The following OPRM1 variants were observed in gnomAD, a reference collection of about 807,000 sequenced individuals.
OPRM1 encodes the protein opioid receptor mu 1, also known as mu-type opioid receptor.
In OPRM1, 27 loss-of-function variants were observed where a neutral mutation model predicts 31.8. The observed-to-expected ratio is 0.85, with a 90% CI of 0.63 to 1.17. OPRM1 has a LOEUF of 1.17. Ranked by LOEUF, OPRM1 falls within the 50% of genes most tolerant of loss-of-function variation. OPRM1 has a pLI of 0.00. For missense variants in OPRM1, 536 were observed against 511.1 expected (o/e 1.05, Z -0.47); for synonymous variants, 196 against 189.9 (o/e 1.03, Z -0.26).
chr6:154,243,916 G>T (rs1279052768), intron 3 of OPRM1, among the ~76,000 whole-genome samples: 1 of 152,130 alleles, frequency 6.6e-6, no homozygotes, highest in Non-Finnish European at 1.5e-5. Context: ...ATATATGCAA[G>T]GTACCTTGAA....
intron 3 of OPRM1, among the ~76,000 whole-genome samples, chr6:154,177,473 G>T (rs1402503932): frequency 6.6e-6 from 1 of 152,126 alleles, no homozygotes; most frequent in Non-Finnish European, 1.5e-5. Flanking sequence ...CAGAAAGTGG[G>T]CAAAGGACAT....
At chr6:154,138,890 C>T (rs1294454049) in intron 3 of OPRM1, among the ~76,000 whole-genome samples, 1 of 152,216 alleles carries the variant, frequency 6.6e-6, no homozygotes, top group Non-Finnish European at 1.5e-5. Flanking sequence ...TTTGCAGACT[C>T]TACACTTGAT....
intron 1 of OPRM1, among the ~76,000 whole-genome samples, chr6:154,067,980 T>C (rs1210047293): frequency 6.6e-6 from 1 of 152,164 alleles, no homozygotes; most frequent in Non-Finnish European, 1.5e-5. Context: ...GTATTTACCT[T>C]TACTGAGACC....
chr6:154,105,070 C>G (rs1210593520), intron 3 of OPRM1, among the ~76,000 whole-genome samples: 2 of 152,218 alleles, frequency 1.3e-5, no homozygotes, highest in Non-Finnish European at 2.9e-5. Context: ...ACACACCATT[C>G]CAGTCAAAGC....
At chr6:154,045,121 G>T (rs964320794) in intron 1 of OPRM1, among the ~76,000 whole-genome samples, 1 of 152,016 alleles carries the variant, frequency 6.6e-6, no homozygotes, top group Non-Finnish European at 1.5e-5. Context: ...AACTACTGGG[G>T]AGGCTGAGGC....
intron 3 of OPRM1, among the ~76,000 whole-genome samples, chr6:154,144,464 G>T (rs776823834): frequency 6.6e-6 from 1 of 151,998 alleles, no homozygotes. Context: ...TATACAACAC[G>T]GGCCGGGCAT....
intron 3 of OPRM1, among the ~76,000 whole-genome samples, chr6:154,096,881 C>T (rs774984060): frequency 1.1e-4 from 16 of 152,176 alleles, no homozygotes; most frequent in Non-Finnish European, 2.2e-4. Flanking sequence ...TTAAGAACTG[C>T]TCTAATAAAT....
At chr6:154,175,513 A>G (rs1209063034) in intron 3 of OPRM1, among the ~76,000 whole-genome samples, 1 of 152,146 alleles carries the variant, frequency 6.6e-6, no homozygotes, top group Non-Finnish European at 1.5e-5. Context: ...CCACAGAAAT[A>G]CAAACTACCA....
In OPRM1 at chr6:154,121,728, G is replaced by C. The variant is rs542661264; in HGVS notation, c.*3007G>C. Among the ~76,000 whole-genome samples the C allele has an allele frequency of 6.6e-6, 1 of 152,204 alleles. No homozygotes were observed. Among genetic ancestry groups the C allele is most frequent in the South Asian group, 2.1e-4 (1 of 4,828 alleles). The stretch of plus-strand genomic sequence containing the variant: ...GGATCCAGGCAAAAGTTGAAATTCA[G>C]AAACATAGATATGAAATGTAAGATA... On this transcript the variant is annotated 3_prime_UTR_variant, in exon 4 of 4. Coordinates refer to ENST00000330432, the MANE Select transcript of OPRM1 (RefSeq NM_000914.5).
At chr6:154,183,555 C>T (rs1475202642) in intron 3 of OPRM1, among the ~76,000 whole-genome samples, 1 of 152,044 alleles carries the variant, frequency 6.6e-6, no homozygotes, top group East Asian at 1.9e-4. Flanking sequence ...CTATAGAATA[C>T]CAAAGGATGC....
At chr6:154,179,320 A>G (rs1800634291) in intron 3 of OPRM1, among the ~76,000 whole-genome samples, 1 of 152,232 alleles carries the variant, frequency 6.6e-6, no homozygotes, top group South Asian at 2.1e-4. Context: ...TCAGTAAAGC[A>G]GTATTTTAAA....
chr6:154,214,747 A>C (rs1334742985), intron 3 of OPRM1, among the ~76,000 whole-genome samples: 7 of 152,248 alleles, frequency 4.6e-5, no homozygotes, highest in African/African-American at 1.7e-4. Context: ...ATCAGTAAAA[A>C]AAATCTGGCT....
intron 3 of OPRM1, among the ~76,000 whole-genome samples, chr6:154,104,940 C>T (rs1246066445): frequency 6.6e-6 from 1 of 152,284 alleles, no homozygotes; most frequent in South Asian, 2.1e-4. Flanking sequence ...CAGAAAATGA[C>T]GTTCTTTACT....
chr6:154,224,494 G>A (rs998753294), intron 3 of OPRM1, among the ~76,000 whole-genome samples: 16 of 152,134 alleles, frequency 1.1e-4, no homozygotes, highest in South Asian at 2.1e-4. Context: ...GATCACTTGC[G>A]GTGAGGTGTT....
chr6:154,134,440 T>C (rs565243753), downstream of OPRM1, among the ~76,000 whole-genome samples: 39 of 152,316 alleles, frequency 2.6e-4, no homozygotes, highest in African/African-American at 9.1e-4. Context: ...AGAAGACTTC[T>C]GATGTGCAAG....
At chr6:154,159,382 C>T (rs1798842456) in intron 3 of OPRM1, 1 of 171,500 alleles carries the variant, frequency 5.8e-6, no homozygotes, top group Admixed American at 6.4e-5. Context: ...AAACATTCCT[C>T]CACTCAAACA....
At chr6:154,244,297 G>GGGGTGTGT (rs1307383951) in intron 3 of OPRM1, among the ~76,000 whole-genome samples, 1,713 of 76,854 alleles carry the variant, frequency 0.022, 30 homozygotes, top group African/African-American at 0.093. Context: ...TGTGTGTGTG[G>GGGGTGTGT]GTGGGTGTGT....
At chr6:154,056,138 G>A (rs1783235240) in intron 1 of OPRM1, among the ~76,000 whole-genome samples, 1 of 150,500 alleles carries the variant, frequency 6.6e-6, no homozygotes, top group Non-Finnish European at 1.5e-5. Context: ...TTTTCTTTTT[G>A]TTTTGAGACG....
chr6:154,205,542 C>A (rs1204649241), intron 3 of OPRM1, among the ~76,000 whole-genome samples: 4 of 152,120 alleles, frequency 2.6e-5, no homozygotes, highest in Non-Finnish European at 4.4e-5. Flanking sequence ...TTGCAGTGAG[C>A]CGAAATCACA....
Sources: allele counts gnomAD v4.1 joint callset (sites outside exome capture counted in the v4.1 genomes callset), GRCh38; gene constraint gnomAD v4.1.1; transcripts MANE v1.5; gene names NCBI Gene and HGNC (gene_info 2026-07-23, HGNC 2026-07-21).